Variants in EXOC4 observed in about 807,000 individuals in gnomAD.
The protein encoded by EXOC4 is exocyst complex component 4.
Under a neutral mutation model 107.2 loss-of-function variants are expected in EXOC4, and 71 were observed. The ratio of observed to expected loss-of-function variants is 0.66; its 90% CI spans 0.55 to 0.81. The LOEUF (loss-of-function observed/expected upper bound fraction) is 0.81. EXOC4 is among the 30% of genes least tolerant of loss of function. EXOC4 has a pLI of 0.00. For synonymous variants in EXOC4, 456 were observed against 441.2 expected (o/e 1.03, Z -0.42); for missense variants, 1,108 against 1,189.6 (o/e 0.93, Z 1.01).
Position 133,988,429 on chromosome 7 carries a change from C to T in EXOC4, c.2207-9063C>T, listed in dbSNP as rs1228798501. Among the ~76,000 whole-genome samples the T allele has an allele frequency of 2.0e-5, 3 of 152,046 alleles. No individual in the cohort carries two copies. The East Asian group carries it at 5.8e-4, about 29-fold the overall frequency. On this transcript the variant is annotated intron_variant, in intron 14 of 17. Transcript: ENST00000253861. Reference sequence around the variant, plus strand: ...ATGTTCTTTGTCATATTGCATTGGTCAGTTTAATTAAAAAGGCATTGATTG... The same window carrying T: ...ATGTTCTTTGTCATATTGCATTGGTTAGTTTAATTAAAAAGGCATTGATTG...
intron 10 of EXOC4, among the ~76,000 whole-genome samples, chr7:133,755,158 G>A (rs1351526465): frequency 1.4e-5 from 2 of 144,312 alleles, no homozygotes; most frequent in African/African-American, 2.6e-5. Flanking sequence ...CTTACTTGAA[G>A]TTATATAAAT....
intron 10 of EXOC4, among the ~76,000 whole-genome samples, chr7:133,802,320 G>A (rs183742473): frequency 3.9e-5 from 6 of 152,346 alleles, no homozygotes; most frequent in Non-Finnish European, 2.9e-5. Context: ...GTATGTGAAA[G>A]TCTTTTGTAA....
At chr7:133,759,479 T>TA (rs775042650) in intron 10 of EXOC4, among the ~76,000 whole-genome samples, 3 of 152,220 alleles carry the variant, frequency 2.0e-5, no homozygotes, top group Non-Finnish European at 4.4e-5. Flanking sequence ...GTACAAGTAT[T>TA]ATCTCACTTA....
chr7:133,535,133 G>C (rs1800249148), intron 9 of EXOC4, among the ~76,000 whole-genome samples: 1 of 152,132 alleles, frequency 6.6e-6, no homozygotes, highest in Non-Finnish European at 1.5e-5. Context: ...TCTGTTGAGA[G>C]CCCACTGTAA....
chr7:133,857,193 TA>T lies in EXOC4; in HGVS notation c.1735-38405del, dbSNP rs1563029961. ...ATATATATATATATATATATATATA[TA>T]TATATATTTTACCTCTACTTAACCT... On this transcript the variant is annotated intron_variant, in intron 11 of 17. Transcript: ENST00000253861. Among the ~76,000 whole-genome samples the T allele has an allele frequency of 1.1e-3, 55 of 48,552 alleles. 2 individuals carry two copies. Among genetic ancestry groups the T allele is most frequent in the Non-Finnish European group, 1.8e-3 (46 of 26,136 alleles). The allele number at this position is 48,552 out of a possible 152,430, so 31.9% of individuals were successfully genotyped here. A position where few individuals can be genotyped will look rare whatever the true frequency, so the allele number is the denominator to read the frequency against.
At chr7:133,904,471 T>A (rs1799524844) in intron 12 of EXOC4, among the ~76,000 whole-genome samples, 1 of 152,226 alleles carries the variant, frequency 6.6e-6, no homozygotes, top group Admixed American at 6.5e-5. Context: ...ACATGGCCAT[T>A]GCTTTGGTTT....
intron 7 of EXOC4, among the ~76,000 whole-genome samples, chr7:133,460,304 C>T (rs1304115735): frequency 1.3e-5 from 2 of 152,170 alleles, no homozygotes; most frequent in African/African-American, 4.8e-5. Flanking sequence ...CTGCCGCTCA[C>T]CTGCTGTGTG....
At position 133,762,255 on chromosome 7, in the gene EXOC4, G is replaced by C. The variant is rs114388942; in HGVS notation, c.1515-55070G>C. ...TAGGTTTGAACAATATGAAATTGCTGGTTTGCAACTATATTATATCTACAA... is the reference window on the plus strand; with the variant it reads ...TAGGTTTGAACAATATGAAATTGCTCGTTTGCAACTATATTATATCTACAA... On this transcript the variant is annotated intron_variant, in intron 10 of 17. Coordinates refer to ENST00000253861, the MANE Select transcript of EXOC4 (RefSeq NM_021807.4). 8.7e-3 allele frequency among the ~76,000 whole-genome samples: 1,322 copies of C among 152,096 alleles called. 22 individuals are homozygous for C. Among genetic ancestry groups the C allele is most frequent in the African/African-American group, 0.029 (1,221 of 41,490 alleles).
intron 9 of EXOC4, among the ~76,000 whole-genome samples, chr7:133,538,698 G>A (rs772357550): frequency 1.1e-4 from 17 of 152,102 alleles, no homozygotes; most frequent in Middle Eastern, 3.4e-3. Context: ...AGGTGAGGTA[G>A]CATGTGTCTG....
In EXOC4 at chr7:133,305,272, C is replaced by T. The variant is rs542361362; in HGVS notation, c.472-605C>T. ...TCTTCATGTTTTGTCTTCCAGTCAC[C>T]ATTCATATCCCGTTTCTTCTATCAA... On this transcript the variant is annotated intron_variant, in intron 3 of 17. Coordinates refer to ENST00000253861, the MANE Select transcript of EXOC4 (RefSeq NM_021807.4). Among the ~76,000 whole-genome samples, 5 of 152,242 alleles carry T rather than the reference C, an allele frequency of 3.3e-5. 1 individual carries two copies. In the South Asian group the frequency reaches 1.0e-3, roughly 32 times the overall value.
chr7:133,682,921 A>C, intron 10 of EXOC4, among the ~76,000 whole-genome samples: 1 of 152,188 alleles, frequency 6.6e-6, no homozygotes, highest in East Asian at 1.9e-4. Context: ...AAAGGGATGT[A>C]TGGATTTACC....
intron 7 of EXOC4, among the ~76,000 whole-genome samples, chr7:133,427,637 G>A (rs1328675794): frequency 2.0e-5 from 3 of 152,178 alleles, no homozygotes; most frequent in African/African-American, 7.2e-5. Context: ...GGTTGGCACA[G>A]GAAGGTTGAG....
At chr7:133,395,457 T>G (rs1796950192) in intron 7 of EXOC4, among the ~76,000 whole-genome samples, 2 of 152,262 alleles carry the variant, frequency 1.3e-5, no homozygotes, top group African/African-American at 4.8e-5. Context: ...ATATCTATTA[T>G]GCTCTTGATT....
chr7:133,822,651 T>C (rs1390459664), intron 11 of EXOC4, among the ~76,000 whole-genome samples: 2 of 152,174 alleles, frequency 1.3e-5, no homozygotes, highest in East Asian at 3.9e-4. Flanking sequence ...CAAAAGCAAG[T>C]GTGGCCCATG....
chr7:133,621,271 CTTGTT>C (rs1467681273), intron 9 of EXOC4, among the ~76,000 whole-genome samples: 1 of 151,800 alleles, frequency 6.6e-6, no homozygotes, highest in East Asian at 1.9e-4. Flanking sequence ...CTTTTTTTCT[CTTGTT>C]TTGTTTTCTA....
intron 1 of EXOC4, among the ~76,000 whole-genome samples, chr7:133,258,793 A>G (rs1052666889): frequency 2.6e-5 from 4 of 152,212 alleles, no homozygotes; most frequent in Non-Finnish European, 5.9e-5. Context: ...CTGAATTAAG[A>G]TAGTAATTAT....
chr7:134,043,283 A>C (rs12536799), intron 17 of EXOC4, among the ~76,000 whole-genome samples: 9,246 of 152,196 alleles, frequency 0.061, 413 homozygotes, highest in Middle Eastern at 0.15. Flanking sequence ...ACAGCACATA[A>C]AGGAGCAGAT....
chr7:133,748,850 A>G lies in EXOC4; in HGVS notation c.1515-68475A>G, dbSNP rs542126607. ...GGAAATCAGGTATTTGGCATAAACCATGTTATTTGCACAGTCTAGCATAGG... is the reference window on the plus strand; with the variant it reads ...GGAAATCAGGTATTTGGCATAAACCGTGTTATTTGCACAGTCTAGCATAGG... On this transcript the variant is annotated intron_variant, in intron 10 of 17. Coordinates refer to ENST00000253861, the MANE Select transcript of EXOC4 (RefSeq NM_021807.4). 7.9e-5 allele frequency among the ~76,000 whole-genome samples: 12 copies of G among 152,302 alleles called. No individual in the cohort carries two copies. In the East Asian group the frequency reaches 2.3e-3, roughly 29 times the overall value.
intron 13 of EXOC4, among the ~76,000 whole-genome samples, chr7:133,932,831 TC>T (rs1472343285): frequency 6.6e-6 from 1 of 152,088 alleles, no homozygotes; most frequent in East Asian, 1.9e-4. Context: ...AGGCAGCATT[TC>T]CTAGGCTCTT....
Sources: allele counts gnomAD v4.1 joint callset (sites outside exome capture counted in the v4.1 genomes callset), GRCh38; gene constraint gnomAD v4.1.1; transcripts MANE v1.5; gene names NCBI Gene and HGNC (gene_info 2026-07-23, HGNC 2026-07-21).